The following TCF20 variants were observed in gnomAD, a reference collection of about 807,000 sequenced individuals.
TCF20 encodes SPRE-binding protein.
In TCF20, 3 loss-of-function variants were observed where a neutral mutation model predicts 148.6. That is an observed-to-expected ratio of 0.02 (90% CI 0.01 to 0.05). The LOEUF (loss-of-function observed/expected upper bound fraction) is 0.05. Ranked by LOEUF, TCF20 falls within the 10% of genes least tolerant of loss-of-function variation. TCF20 has a pLI of 1.00. For synonymous variants in TCF20, 1,049 were observed against 909.5 expected, an observed-to-expected ratio of 1.15 and a Z score of -2.76; for missense variants, 2,350 against 2,429.3, an observed-to-expected ratio of 0.97 and a Z score of 0.69.
intron 1 of TCF20, among the ~76,000 whole-genome samples, chr22:42,330,101 T>G (rs1403807993): frequency 2.0e-5 from 3 of 152,116 alleles, no homozygotes; most frequent in Non-Finnish European, 4.4e-5. Context: ...GCCCTGCAGA[T>G]TCCACTCCAA....
intron 1 of TCF20, among the ~76,000 whole-genome samples, chr22:42,342,618 T>C (rs567470595): frequency 1.7e-4 from 26 of 152,314 alleles, no homozygotes; most frequent in Admixed American, 1.4e-3. Flanking sequence ...GGTGTGTGGC[T>C]AGGCAGCCCC....
intron 3 of TCF20, among the ~76,000 whole-genome samples, chr22:42,176,515 G>A (rs1003650663): frequency 1.3e-5 from 2 of 152,052 alleles, no homozygotes; most frequent in African/African-American, 2.4e-5. Flanking sequence ...ATCAAACCCC[G>A]CCTCCTATGG....
At chr22:42,271,007 T>C (rs1220849171), upstream of TCF20, among the ~76,000 whole-genome samples, 2 of 152,054 alleles carry the variant, frequency 1.3e-5, no homozygotes, top group Non-Finnish European at 2.9e-5. Context: ...CTGGGATTTC[T>C]GGAGTTCCCT....
chr22:42,192,555 C>A (rs1937389055), intron 2 of TCF20, among the ~76,000 whole-genome samples: 1 of 152,124 alleles, frequency 6.6e-6, no homozygotes, highest in Admixed American at 6.6e-5. Flanking sequence ...ACACTGGAGG[C>A]TCAGGAAATA....
intron 1 of TCF20, among the ~76,000 whole-genome samples, chr22:42,320,407 G>A (rs1460331371): frequency 6.6e-6 from 1 of 152,124 alleles, no homozygotes; most frequent in African/African-American, 2.4e-5. Context: ...GTGGGTTCAC[G>A]CACAGGGGCT....
rs1329028327 is a variant in TCF20 at position 42,279,579 on chromosome 22, A to G, written c.-37+4248T>C. On this transcript the variant is annotated intron_variant, in intron 1 of 5. Transcript: ENST00000359486. This position sits in a 1 kb window ranked among gnomAD's most constrained non-coding sequence, Gnocchi z 4.3. The stretch of plus-strand genomic sequence containing the variant: ...TTTCACCCGTAGAACAGGGACATTA[A>G]CATCACCCCCGAGTGAGGGCTGCAG... 6.6e-6 allele frequency among the ~76,000 whole-genome samples: 1 copy of G among 152,196 alleles called. No individual in the cohort carries two copies.
upstream of TCF20, among the ~76,000 whole-genome samples, chr22:42,286,192 G>A (rs140558375): frequency 2.0e-5 from 3 of 152,302 alleles, no homozygotes; most frequent in East Asian, 5.8e-4. Context: ...AACTGTACCT[G>A]TCCCCTCCCA....
At position 42,212,451 on chromosome 22, in the gene TCF20, T is replaced by C; in HGVS notation, c.2855A>G (p.His952Arg). The change falls in exon 2 of 6, where the codon CAT becomes CGT. Residue 952 changes from histidine (H) to arginine (R), a missense_variant. By Grantham distance (29) the His-to-Arg change is conservative. Transcript: ENST00000677622. ...FNNKKSGDHCHPPSIKHESYR... is the reference protein window; with the variant it reads ...FNNKKSGDHCRPPSIKHESYR... ...AGACTCATGCTTGATGCTAGGAGGA[T>C]GGCAGTGGTCTCCAGATTTCTTGTT... 2 of 1,614,238 alleles carry C rather than the reference T, an allele frequency of 1.2e-6. No individual in the cohort carries two copies. The highest frequency in any genetic ancestry group is 1.6e-4 in the Middle Eastern group (1 of 6,062).
chr22:42,255,529 A>G, intron 1 of TCF20, among the ~76,000 whole-genome samples: 1 of 131,818 alleles, frequency 7.6e-6, no homozygotes, highest in South Asian at 2.3e-4. Flanking sequence ...AACAACAACA[A>G]AACCACATTA....
At chr22:42,312,849 A>G (rs1285103804) in intron 1 of TCF20, among the ~76,000 whole-genome samples, 2 of 152,026 alleles carry the variant, frequency 1.3e-5, no homozygotes, top group East Asian at 3.9e-4. Context: ...TGGGGCCCCA[A>G]TCTAGTGCCC....
At chr22:42,330,068 C>T (rs1601709203) in intron 1 of TCF20, among the ~76,000 whole-genome samples, 1 of 152,184 alleles carries the variant, frequency 6.6e-6, no homozygotes, top group East Asian at 1.9e-4. Flanking sequence ...GGGACCCAGG[C>T]CCACCGCCAC....
intron 1 of TCF20, among the ~76,000 whole-genome samples, chr22:42,295,119 C>T (rs185142630): frequency 1.3e-5 from 2 of 152,316 alleles, no homozygotes; most frequent in East Asian, 3.9e-4. Flanking sequence ...GGGCAGGGCA[C>T]AGGAGGAGAG....
At position 42,292,790 on chromosome 22, in the gene TCF20, G is replaced by A. The variant is rs550620454; in HGVS notation, c.-37+50689C>T. ...CCAGCCCCTCTGCGCCTCCAGGGCCGGCCGAGCACTAGCCCAGGCCCAGGA... is the reference window on the plus strand; with the variant it reads ...CCAGCCCCTCTGCGCCTCCAGGGCCAGCCGAGCACTAGCCCAGGCCCAGGA... On this transcript the variant is annotated intron_variant, in intron 1 of 1. Transcript: ENST00000515426. This position sits in a 1 kb window ranked among gnomAD's most constrained non-coding sequence, Gnocchi z 4.9. 1.1e-4 allele frequency among the ~76,000 whole-genome samples: 16 copies of A among 151,778 alleles called. No homozygotes were observed. Among genetic ancestry groups the A allele is most frequent in the South Asian group, 8.3e-4 (4 of 4,792 alleles).
intron 5 of TCF20, among the ~76,000 whole-genome samples, chr22:42,164,034 A>G (rs546768993): frequency 6.6e-5 from 10 of 151,782 alleles, no homozygotes; most frequent in African/African-American, 9.7e-5. Context: ...TCATCTCAAC[A>G]CCACTCACCC....
At chr22:42,163,287 G>A (rs1169626005) in intron 5 of TCF20, among the ~76,000 whole-genome samples, 1 of 152,222 alleles carries the variant, frequency 6.6e-6, no homozygotes, top group African/African-American at 2.4e-5. Flanking sequence ...CCTCCCTGGG[G>A]CGCGTGGTGG....
intron 2 of TCF20, among the ~76,000 whole-genome samples, chr22:42,188,229 G>T (rs563466060): frequency 1.3e-4 from 18 of 141,184 alleles, no homozygotes; most frequent in African/African-American, 4.7e-4. Flanking sequence ...GGGAGGTGGA[G>T]GTTGCAGTGA....
intron 1 of TCF20, among the ~76,000 whole-genome samples, chr22:42,320,981 C>T (rs1351022533): frequency 6.6e-6 from 1 of 152,234 alleles, no homozygotes; most frequent in East Asian, 1.9e-4. Context: ...GTAATGTACA[C>T]ACAGTCTCCC....
At chr22:42,161,972 C>A (rs975607086) in intron 5 of TCF20, among the ~76,000 whole-genome samples, 1 of 75,030 alleles carries the variant, frequency 1.3e-5, no homozygotes, top group Non-Finnish European at 2.4e-5. Flanking sequence ...TAATGACAGT[C>A]TTTTTTTTTT....
At chr22:42,315,541 C>T (rs1357632960) in intron 1 of TCF20, among the ~76,000 whole-genome samples, 1 of 152,252 alleles carries the variant, frequency 6.6e-6, no homozygotes, top group African/African-American at 2.4e-5. Flanking sequence ...TTCACTGGTT[C>T]TACCTCTGGG....
Sources: allele counts gnomAD v4.1 joint callset (sites outside exome capture counted in the v4.1 genomes callset), GRCh38; gene constraint gnomAD v4.1.1; non-coding constraint Gnocchi (gnomAD v3.1); transcripts MANE v1.5; gene names NCBI Gene and HGNC (gene_info 2026-07-23, HGNC 2026-07-21).